Variants in SIK3 observed in about 807,000 individuals in gnomAD.
The protein encoded by SIK3 is SIK family kinase 3.
Under a neutral mutation model 144.2 loss-of-function variants are expected in SIK3, and 28 were observed. The ratio of observed to expected loss-of-function variants is 0.19; its 90% confidence interval spans 0.14 to 0.27. The LOEUF (loss-of-function observed/expected upper bound fraction) is 0.27, where lower values mean the gene tolerates loss of function less well. SIK3 is among the 10% of genes least tolerant of loss of function. SIK3 has a pLI of 1.00. For missense variants in SIK3, 1,319 were observed against 1,776.0 expected, an observed-to-expected ratio of 0.74 and a Z score of 4.62; for synonymous variants, 686 against 676.3, an observed-to-expected ratio of 1.01 and a Z score of -0.22.
intron 1 of SIK3, among the ~76,000 whole-genome samples, chr11:116,974,945 G>A (rs1199114366): frequency 1.3e-5 from 2 of 152,050 alleles, no homozygotes; most frequent in African/African-American, 4.8e-5. Flanking sequence ...TAAGTTTTCT[G>A]GTAAAATAGT....
chr11:116,890,185 C>T (rs1945029620), intron 6 of SIK3, among the ~76,000 whole-genome samples: 1 of 152,042 alleles, frequency 6.6e-6, no homozygotes, highest in Admixed American at 6.6e-5. Flanking sequence ...AAAGTAAGTG[C>T]TATGAAGAAA....
rs567600288 is a variant in SIK3 at position 117,031,832 on chromosome 11, G to A, written c.273+66311C>T. Among the ~76,000 whole-genome samples the A allele has an allele frequency of 6.6e-5, 10 of 151,160 alleles. 1 individual carries two copies. The highest frequency in any genetic ancestry group is 1.5e-4 in the African/African-American group (6 of 41,194). On this transcript the variant is annotated intron_variant, in intron 1 of 24. Transcript: ENST00000445177. ...GCTGGGATTACAGGCGTGAGCCACC[G>A]CACCAGGCCAGCATTTATTTTTTAA... is the stretch of plus-strand genomic sequence containing the variant.
chr11:116,984,595 C>T (rs1325520400), intron 1 of SIK3, among the ~76,000 whole-genome samples: 1 of 152,066 alleles, frequency 6.6e-6, no homozygotes, highest in Admixed American at 6.5e-5. Context: ...ATGGTTGTTT[C>T]GTGTACTGAT....
chr11:117,090,550 C>T (rs565354808), intron 1 of SIK3, among the ~76,000 whole-genome samples: 3 of 152,362 alleles, frequency 2.0e-5, no homozygotes. Flanking sequence ...ATCTAAGAAA[C>T]ATACCCTCAA....
At chr11:117,068,616 G>A (rs373247151) in intron 1 of SIK3, among the ~76,000 whole-genome samples, 10 of 152,040 alleles carry the variant, frequency 6.6e-5, no homozygotes, top group African/African-American at 2.2e-4. Flanking sequence ...GACAGGTGGC[G>A]CATGCCTGTA....
At chr11:116,878,951 C>T (rs1258937344) in intron 6 of SIK3, among the ~76,000 whole-genome samples, 1 of 152,170 alleles carries the variant, frequency 6.6e-6, no homozygotes, top group Non-Finnish European at 1.5e-5. Context: ...TCATTGTCTT[C>T]ACGCAAATGA....
At chr11:116,857,648 A>G in intron 21 of SIK3, 162 bp downstream of exon 21, 1 of 1,256,888 alleles carries the variant, frequency 8.0e-7, no homozygotes, top group Non-Finnish European at 1.1e-6. Flanking sequence ...CCCCTTGCCC[A>G]CCAATACCCA....
At chr11:116,903,972 T>C (rs1317551214) in intron 4 of SIK3, among the ~76,000 whole-genome samples, 2 of 152,226 alleles carry the variant, frequency 1.3e-5, no homozygotes, top group African/African-American at 2.4e-5. Context: ...TTATTTTGGC[T>C]CTGGAGCTAC....
intron 1 of SIK3, among the ~76,000 whole-genome samples, chr11:116,963,929 T>G (rs1949434138): frequency 6.6e-6 from 1 of 152,212 alleles, no homozygotes. Context: ...CAACACAAGC[T>G]AGGCTCTTGA....
At chr11:116,916,511 A>AT (rs1946639690) in intron 4 of SIK3, among the ~76,000 whole-genome samples, 4 of 141,258 alleles carry the variant, frequency 2.8e-5, no homozygotes, top group Admixed American at 2.3e-4. Context: ...TATCACATCA[A>AT]ATTTTTTTTT....
At chr11:116,926,827 C>G (rs1221481521) in intron 4 of SIK3, among the ~76,000 whole-genome samples, 1 of 152,102 alleles carries the variant, frequency 6.6e-6, no homozygotes, top group Admixed American at 6.6e-5. Flanking sequence ...TCAAGACCAG[C>G]CTGCCCAACA....
chr11:116,946,648 T>A (rs1048945317), intron 3 of SIK3, among the ~76,000 whole-genome samples: 15 of 152,206 alleles, frequency 9.9e-5, no homozygotes. Context: ...AGTGCCTTAC[T>A]CATGAAACAT....
chr11:117,082,474 A>G (rs1954831108), intron 1 of SIK3, among the ~76,000 whole-genome samples: 1 of 152,254 alleles, frequency 6.6e-6, no homozygotes, highest in Non-Finnish European at 1.5e-5. Flanking sequence ...AACATATGTA[A>G]GAACATGCAT....
At chr11:116,898,108 A>G (rs374651758) in intron 4 of SIK3, among the ~76,000 whole-genome samples, 12,573 of 151,496 alleles carry the variant, frequency 0.083, 990 homozygotes, top group African/African-American at 0.21. Context: ...ATATCTCCCA[A>G]TGCTATCCCT....
chr11:117,098,042 C>A, intron 1 of SIK3, 101 bp downstream of exon 1: 1 of 1,169,424 alleles, frequency 8.6e-7, no homozygotes, highest in East Asian at 4.3e-5. Context: ...CCAACGCTCC[C>A]ACCACGCGCC....
chr11:117,001,408 A>G (rs1950844166), intron 1 of SIK3, among the ~76,000 whole-genome samples: 1 of 152,154 alleles, frequency 6.6e-6, no homozygotes. Context: ...TGGGAGGTTG[A>G]GGCAGGAGAA....
intron 1 of SIK3, among the ~76,000 whole-genome samples, chr11:117,023,621 A>AAAAAATAT (rs754624841): frequency 2.7e-4 from 26 of 95,392 alleles, no homozygotes; most frequent in African/African-American, 3.9e-4. Context: ...AAAAAAAAAA[A>AAAAAATAT]ATATATATAT....
At chr11:116,952,521 C>T (rs1948980537) in intron 3 of SIK3, among the ~76,000 whole-genome samples, 1 of 152,204 alleles carries the variant, frequency 6.6e-6, no homozygotes, top group African/African-American at 2.4e-5. Flanking sequence ...AGTATAGTCT[C>T]CCAATAACAT....
chr11:116,975,913 T>C (rs1949933206), intron 1 of SIK3, among the ~76,000 whole-genome samples: 1 of 152,216 alleles, frequency 6.6e-6, no homozygotes. Context: ...GCCATCTTAG[T>C]GGATACGTGG....
Sources: allele counts gnomAD v4.1 joint callset (sites outside exome capture counted in the v4.1 genomes callset), GRCh38; gene constraint gnomAD v4.1.1; transcripts MANE v1.5; gene names NCBI Gene and HGNC (gene_info 2026-07-23, HGNC 2026-07-21).